Variants in EEF1D observed in about 807,000 individuals in gnomAD.
The protein encoded by EEF1D is elongation factor 1-delta.
In EEF1D, 47 loss-of-function variants were observed where a neutral mutation model predicts 63.9. The ratio of observed to expected loss-of-function variants is 0.74; its 90% CI spans 0.58 to 0.94. The LOEUF is 0.94. Among genes scored for constraint, EEF1D ranks in the 40% least tolerant of loss-of-function variants. The pLI, the probability that EEF1D is intolerant of heterozygous loss-of-function variation, is 0.00. For synonymous variants in EEF1D, 412 were observed against 386.1 expected (o/e 1.07, Z -0.79); for missense variants, 907 against 899.0 (o/e 1.01, Z -0.11).
intron 2 of EEF1D, among the ~76,000 whole-genome samples, chr8:143,591,047 G>C (rs1308130165): frequency 1.3e-5 from 2 of 152,202 alleles, no homozygotes; most frequent in Non-Finnish European, 2.9e-5. Flanking sequence ...GAGGGGCCAA[G>C]CGCCTGGAGC....
In EEF1D at chr8:143,589,314, T is replaced by C. The variant is rs1392621414; in HGVS notation, c.768A>G (p.Pro256=). 1 of 1,586,966 alleles carries C rather than the reference T, an allele frequency of 6.3e-7. No homozygotes were observed. The highest frequency in any genetic ancestry group is 1.3e-5 in the African/African-American group (1 of 74,464). ...FYEALFDGHP[P]GKVRLQERAG... ...CTCGCTCTTGCAGGCGCACCTTCCC[T>C]GGGGGATGGCCGTCAAACAGGGCCT... Residue 256 remains proline, a synonymous_variant, in exon 3 of 10, where the codon CCA becomes CCG. Transcript: ENST00000618139.
chr8:143,589,069 G>A lies in EEF1D; in HGVS notation c.1013C>T (p.Ala338Val). ...RHHAAEALRV[A>V]WCLEAASLSH... ...CAGGGAGGCAGCTTCGAGGCACCAG[G>A]CCACCCGCAGGGCCTCGGCAGCGTG... Residue 338 changes from alanine to valine, a missense_variant, in exon 3 of 10, where the codon GCC becomes GTC. Coordinates refer to ENST00000618139, the MANE Select transcript of EEF1D (RefSeq NM_001130053.5). 1 of 1,608,680 alleles carries A rather than the reference G, an allele frequency of 6.2e-7. No individual in the cohort carries two copies. The highest frequency in any genetic ancestry group is 8.5e-7 in the Non-Finnish European group (1 of 1,179,454).
Position 143,580,118 on chromosome 8 carries a change from A to G in EEF1D, c.1799T>C (p.Val600Ala), listed in dbSNP as rs200852036. The G allele has an allele frequency of 6.2e-7, 1 of 1,613,908 alleles. No homozygotes were observed. Among genetic ancestry groups the G allele is most frequent in the East Asian group, 2.2e-5 (1 of 44,876 alleles). ...CTTCCGGATACCGTAGCCCACGGGC[A>G]CCAGCTTGGAAGCCCCCCAGACCAG... ...DGLVWGASKLVPVGYGIRKLQ... is the reference protein window; with the variant it reads ...DGLVWGASKLAPVGYGIRKLQ... The change falls in exon 9 of 10, where the codon GTG (valine) becomes GCG (alanine). Residue 600 changes from valine (V) to alanine (A), a missense_variant. Physicochemically the swap from Val to Ala is moderately conservative, Grantham distance 64. Coordinates refer to ENST00000618139, the MANE Select transcript of EEF1D (RefSeq NM_001130053.5).
In EEF1D at chr8:143,589,215, G is replaced by C; in HGVS notation, c.867C>G (p.Ala289=). Residue 289 remains alanine, a synonymous_variant, in exon 3 of 10, where the codon GCC becomes GCG. Coordinates refer to ENST00000618139, the MANE Select transcript of EEF1D (RefSeq NM_001130053.5). The stretch of plus-strand genomic sequence containing the variant: ...CCTCCCCATCGGCCCGTCGCAGCCC[G>C]GCCCGCTTGTTCCCTAAGATGTTGC... The part of the protein sequence containing the change: ...RGRNILGNKR[A]GLRRADGEAP... 2 of 1,582,552 alleles carry C rather than the reference G, an allele frequency of 1.3e-6. No homozygotes were observed. The highest frequency in any genetic ancestry group is 1.7e-6 in the Non-Finnish European group (2 of 1,162,866).
chr8:143,580,879 G>C, intron 7 of EEF1D, 152 bp from the exon 8 acceptor site: 1 of 1,140,528 alleles, frequency 8.8e-7, no homozygotes, highest in Non-Finnish European at 1.3e-6. Flanking sequence ...CCCCAGGAAA[G>C]ACAAAAACTG....
intron 2 of EEF1D, chr8:143,590,667 G>T: frequency 1.3e-6 from 1 of 791,060 alleles, no homozygotes; most frequent in Non-Finnish European, 1.5e-6. Flanking sequence ...CACTTTGGGA[G>T]GCCGAGGCGG....
intron 5 of EEF1D, chr8:143,582,245 G>A (rs1825704658): frequency 6.6e-6 from 1 of 152,368 alleles, no homozygotes; most frequent in Non-Finnish European, 1.5e-5. Context: ...TATCTGGAGG[G>A]TGTGGGAGCT....
intron 4 of EEF1D, 143 bp from the exon 5 acceptor site, chr8:143,586,433 A>G: frequency 1.2e-6 from 1 of 843,762 alleles, no homozygotes; most frequent in Non-Finnish European, 1.8e-6. Flanking sequence ...CGGGCCAGAA[A>G]AGCGGGAGAT....
chr8:143,586,856 G>C lies in EEF1D; in HGVS notation c.1092-4C>G. The C allele has an allele frequency of 1.2e-6, 2 of 1,613,510 alleles. No homozygotes were observed. Among genetic ancestry groups the C allele is most frequent in the Non-Finnish European group, 1.7e-6 (2 of 1,179,442 alleles). On this transcript the variant is annotated splice_polypyrimidine_tract_variant and splice_region_variant and intron_variant, in intron 3 of 9. Coordinates refer to ENST00000618139, the MANE Select transcript of EEF1D (RefSeq NM_001130053.5). Reference sequence around the variant, plus strand: ...GAAGTTTGTAGCCATTTTTCTGCTGGGAGGGGAAAGAGGCAAAGTCAGCAT... The same window carrying C: ...GAAGTTTGTAGCCATTTTTCTGCTGCGAGGGGAAAGAGGCAAAGTCAGCAT...
In EEF1D at chr8:143,581,068, C is replaced by A. The variant is rs1209300359; in HGVS notation, c.1474G>T (p.Ala492Ser). ...EKSSPGHRAT[A>S]PQTQHVSPMR... is the part of the protein sequence containing the mutation. ...AGAGCATTCACCTGGGTCTGTGGGG[C>A]CGTGGCCCGGTGGCCAGGCGAGCTC... The change falls in exon 7 of 10, where the codon GCC becomes TCC. Residue 492 changes from alanine (A) to serine (S), a missense_variant. By Grantham distance (99) the Ala-to-Ser change is moderately conservative. Coordinates refer to ENST00000618139, the MANE Select transcript of EEF1D (RefSeq NM_001130053.5). 3.1e-6 allele frequency: 5 copies of A among 1,611,848 alleles called. No individual in the cohort carries two copies. In the East Asian group the frequency reaches 8.9e-5, roughly 29 times the overall value.
chr8:143,583,167 CAGAT>C (rs1333309464), intron 5 of EEF1D: 6 of 152,366 alleles, frequency 3.9e-5, no homozygotes, highest in East Asian at 1.9e-4. Flanking sequence ...CACACACACT[CAGAT>C]GGATGACCGT....
In EEF1D at chr8:143,589,052, C is replaced by G. The variant is rs770699518; in HGVS notation, c.1030G>C (p.Ala344Pro). The G allele has an allele frequency of 5.0e-6, 8 of 1,606,286 alleles. No individual in the cohort carries two copies. In the African/African-American group the frequency reaches 1.1e-4, roughly 21 times the overall value. Residue 344 changes from alanine to proline, a missense_variant, in exon 3 of 10, where the codon GCC becomes CCC. Coordinates refer to ENST00000618139, the MANE Select transcript of EEF1D (RefSeq NM_001130053.5). ...GGACCGGGTCGGTGAGACAGGGAGG[C>G]AGCTTCGAGGCACCAGGCCACCCGC... ...ALRVAWCLEAASLSHRPGPRS... is the reference protein window; with the variant it reads ...ALRVAWCLEAPSLSHRPGPRS...
intron 5 of EEF1D, among the ~76,000 whole-genome samples, chr8:143,585,614 C>T (rs1363391546): frequency 6.6e-6 from 1 of 152,228 alleles, no homozygotes; most frequent in Non-Finnish European, 1.5e-5. Flanking sequence ...AGTCCCAACT[C>T]CTCGGGAACA....
intron 3 of EEF1D, among the ~76,000 whole-genome samples, chr8:143,587,956 G>A (rs1044375551): frequency 1.6e-4 from 24 of 152,088 alleles, no homozygotes; most frequent in Admixed American, 1.4e-3. Flanking sequence ...CTGCCCTGCC[G>A]CCAGTCTGTG....
In EEF1D at chr8:143,588,985, T is replaced by A. The variant is rs1325543931; in HGVS notation, c.1091+6A>T. ...GCTGGGTGCCCACCCAGCACGTTTC[T>A]CCTACTTGGGTCTCAGGCTGGACAC... On this transcript the variant is annotated splice_donor_region_variant and intron_variant, in intron 3 of 9. Transcript: ENST00000618139. The A allele has an allele frequency of 1.9e-6, 3 of 1,593,768 alleles. No individual in the cohort carries two copies. The African/African-American group carries it at 4.0e-5, about 21-fold the overall frequency.
rs117509793 is a variant in EEF1D at position 143,591,963 on chromosome 8, G to A, written c.-1+684C>T. On this transcript the variant is annotated intron_variant, in intron 2 of 9. Transcript: ENST00000618139. ...TTTGCGGGCATGTGGCCCGAATCCC[G>A]CAGTCCCAGCAACAAGTTCTAATGG... 3,202 of 907,530 alleles carry A rather than the reference G, an allele frequency of 3.5e-3. 9 individuals carry two copies. The highest frequency in any genetic ancestry group is 4.1e-3 in the Non-Finnish European group (3,122 of 758,886). 56.2% of individuals were successfully genotyped at this position (907,530 alleles called of 1,614,324 possible).
rs1178835801 is a variant in EEF1D at position 143,579,741 on chromosome 8, T to G, written c.*51A>C. On this transcript the variant is annotated 3_prime_UTR_variant, in exon 10 of 10. Coordinates refer to ENST00000618139, the MANE Select transcript of EEF1D (RefSeq NM_001130053.5). The stretch of plus-strand genomic sequence containing the variant: ...CGGAGCCAGAGGGCCGGTCTCAGTC[T>G]TTAATCGTGGCAGGGCCTCACGCAC... The G allele has an allele frequency of 6.6e-7, 1 of 1,511,084 alleles. No homozygotes were observed. Among genetic ancestry groups the G allele is most frequent in the Admixed American group, 2.3e-5 (1 of 44,254 alleles). 93.6% of individuals were successfully genotyped at this position (1,511,084 alleles called of 1,614,324 possible).
chr8:143,594,793 C>T (rs976889992), intron 1 of EEF1D, among the ~76,000 whole-genome samples: 2 of 152,328 alleles, frequency 1.3e-5, no homozygotes, highest in South Asian at 2.1e-4. Context: ...CCAAAGGGCG[C>T]GACGACTAGC....
chr8:143,580,083 G>C lies in EEF1D; in HGVS notation c.1834C>G (p.Gln612Glu), dbSNP rs143593402. ...VGYGIRKLQI[Q>E]CVVEDDKVGT... ...ACCTTGTCGTCCTCCACCACACACT[G>C]AATCTGTAGCTTCCGGATACCGTAG... Residue 612 changes from glutamine (Q) to glutamate (E), a missense_variant, in exon 9 of 10, where the codon CAG becomes GAG. Transcript: ENST00000618139. 54 of 1,614,004 alleles carry C rather than the reference G, an allele frequency of 3.3e-5. 1 individual carries two copies. The East Asian group carries it at 5.6e-4, about 17-fold the overall frequency.
Sources: allele counts gnomAD v4.1 joint callset (sites outside exome capture counted in the v4.1 genomes callset), GRCh38; gene constraint gnomAD v4.1.1; transcripts MANE v1.5; gene names NCBI Gene and HGNC (gene_info 2026-07-23, HGNC 2026-07-21).